Variants in CFAP299 observed in about 807,000 individuals in gnomAD.
CFAP299 encodes the protein cilia- and flagella-associated protein 299.
Under a neutral mutation model 27.0 loss-of-function variants are expected in CFAP299, and 21 were observed. The observed-to-expected ratio is 0.78, with a 90% CI of 0.55 to 1.12. The LOEUF is 1.12. Among genes scored for constraint, CFAP299 ranks in the 50% most tolerant of loss-of-function variants. The pLI is 0.00. For synonymous variants in CFAP299, 104 were observed against 98.1 expected (o/e 1.06, Z -0.36); for missense variants, 310 against 276.6 (o/e 1.12, Z -0.86).
At chr4:80,545,783 A>G (rs1042781336) in intron 2 of CFAP299, among the ~76,000 whole-genome samples, 2 of 152,186 alleles carry the variant, frequency 1.3e-5, no homozygotes, top group African/African-American at 4.8e-5. Flanking sequence ...CCTGACAGAG[A>G]CACAATGAAA....
At chr4:80,406,064 A>G (rs981651571) in intron 2 of CFAP299, among the ~76,000 whole-genome samples, 1 of 152,214 alleles carries the variant, frequency 6.6e-6, no homozygotes, top group African/African-American at 2.4e-5. Context: ...ACAAAACAAC[A>G]ACAAAAAACC....
intron 2 of CFAP299, among the ~76,000 whole-genome samples, chr4:80,398,767 A>T (rs961025517): frequency 6.6e-6 from 1 of 152,274 alleles, no homozygotes; most frequent in Non-Finnish European, 1.5e-5. Context: ...TACCATTCAG[A>T]ACATAGGCAT....
intron 4 of CFAP299, among the ~76,000 whole-genome samples, chr4:80,897,194 G>C (rs567416407): frequency 6.6e-6 from 1 of 152,218 alleles, no homozygotes; most frequent in South Asian, 2.1e-4. Context: ...TGTACTACTG[G>C]AAGTTCTTTA....
At chr4:80,444,865 G>C (rs1218687889) in intron 2 of CFAP299, among the ~76,000 whole-genome samples, 1 of 152,040 alleles carries the variant, frequency 6.6e-6, no homozygotes, top group African/African-American at 2.4e-5. Context: ...GTGGGTGAAG[G>C]ATATAAACAG....
At chr4:80,641,616 A>G (rs1283448929) in intron 3 of CFAP299, among the ~76,000 whole-genome samples, 2 of 152,248 alleles carry the variant, frequency 1.3e-5, no homozygotes, top group Non-Finnish European at 2.9e-5. Context: ...TATATTATGC[A>G]CAAAATATTA....
chr4:80,433,447 TA>T (rs1286799887), intron 2 of CFAP299, among the ~76,000 whole-genome samples: 2 of 152,258 alleles, frequency 1.3e-5, no homozygotes, highest in African/African-American at 2.4e-5. Context: ...TACTTTACCT[TA>T]AAAAAACGAA....
intron 3 of CFAP299, among the ~76,000 whole-genome samples, chr4:80,737,849 A>G (rs1194655862): frequency 6.6e-6 from 1 of 152,114 alleles, no homozygotes; most frequent in Non-Finnish European, 1.5e-5. Flanking sequence ...TCTTCTTTTT[A>G]AAAGTAGACA....
chr4:80,745,884 G>T (rs1724555623), intron 3 of CFAP299, among the ~76,000 whole-genome samples: 1 of 152,062 alleles, frequency 6.6e-6, no homozygotes, highest in Non-Finnish European at 1.5e-5. Context: ...AGTGAGGAAA[G>T]CTGGTCAGAA....
intron 3 of CFAP299, among the ~76,000 whole-genome samples, chr4:80,608,009 G>A (rs1225289709): frequency 6.6e-6 from 1 of 152,102 alleles, no homozygotes; most frequent in East Asian, 1.9e-4. Flanking sequence ...ATGTAGTGTA[G>A]TGGAGACATT....
intron 3 of CFAP299, among the ~76,000 whole-genome samples, chr4:80,774,429 T>C (rs1300511483): frequency 2.0e-5 from 3 of 151,970 alleles, no homozygotes; most frequent in Non-Finnish European, 4.4e-5. Context: ...TATCAATTTA[T>C]ATTTTTTCTG....
At chr4:80,734,775 T>C (rs187729277) in intron 3 of CFAP299, among the ~76,000 whole-genome samples, 6 of 152,208 alleles carry the variant, frequency 3.9e-5, no homozygotes, top group Admixed American at 3.3e-4. Flanking sequence ...GAGTTCACTG[T>C]AGTGTGTGGA....
intron 2 of CFAP299, among the ~76,000 whole-genome samples, chr4:80,559,454 G>A (rs1166143354): frequency 1.3e-5 from 2 of 152,036 alleles, no homozygotes; most frequent in African/African-American, 4.8e-5. Context: ...TAGTCTCTTC[G>A]CCAAAAGACA....
chr4:80,492,016 A>G (rs774321321), intron 2 of CFAP299, among the ~76,000 whole-genome samples: 9 of 152,126 alleles, frequency 5.9e-5, no homozygotes, highest in Non-Finnish European at 1.2e-4. Flanking sequence ...GGTCTCCACA[A>G]TCTGTATCTT....
At chr4:80,552,637 T>TA (rs1245076454) in intron 2 of CFAP299, among the ~76,000 whole-genome samples, 2 of 152,282 alleles carry the variant, frequency 1.3e-5, no homozygotes, top group East Asian at 3.9e-4. Flanking sequence ...GAAAGATGAC[T>TA]TTACAAAGAT....
intron 3 of CFAP299, among the ~76,000 whole-genome samples, chr4:80,753,192 GTC>G (rs1488097257): frequency 1.3e-5 from 2 of 151,772 alleles, no homozygotes; most frequent in Non-Finnish European, 2.9e-5. Flanking sequence ...GCAATGAAAT[GTC>G]TCTATTTATT....
At chr4:80,544,573 T>C (rs868189753) in intron 2 of CFAP299, among the ~76,000 whole-genome samples, 12 of 152,210 alleles carry the variant, frequency 7.9e-5, no homozygotes, top group African/African-American at 2.7e-4. Context: ...GCTATTCTTA[T>C]GTCAGATAAA....
chr4:80,930,898 C>T (rs1014226461), intron 4 of CFAP299, among the ~76,000 whole-genome samples: 6 of 152,068 alleles, frequency 3.9e-5, no homozygotes, highest in African/African-American at 1.4e-4. Flanking sequence ...AGCATTACTC[C>T]CTCCAGAAAG....
intron 3 of CFAP299, among the ~76,000 whole-genome samples, chr4:80,610,023 A>G (rs1255205272): frequency 6.6e-6 from 1 of 152,120 alleles, no homozygotes; most frequent in East Asian, 1.9e-4. Flanking sequence ...AAGACTTTTA[A>G]AAAGGCTGAA....
intron 1 of CFAP299, among the ~76,000 whole-genome samples, chr4:80,361,215 T>G (rs1031025608): frequency 3.9e-5 from 6 of 152,220 alleles, no homozygotes; most frequent in African/African-American, 1.4e-4. Context: ...AGTCCAGAAT[T>G]ATCCAAATGA....
Sources: gnomAD v4.1 joint callset for allele counts (sites outside exome capture counted in the v4.1 genomes callset) on GRCh38, gnomAD v4.1.1 for gene constraint, MANE v1.5 for transcripts, NCBI Gene and HGNC (gene_info 2026-07-23, HGNC 2026-07-21) for gene names.